Variants in CUX1 observed in about 807,000 individuals in gnomAD.
CUX1 encodes the protein cut like homeobox 1, also known as protein CASP.
Under a neutral mutation model 158.8 loss-of-function variants are expected in CUX1, and 31 were observed. The ratio of observed to expected loss-of-function variants is 0.20; its 90% confidence interval spans 0.15 to 0.26. CUX1 has a LOEUF of 0.26. Among genes scored for constraint, CUX1 ranks in the 10% least tolerant of loss-of-function variants. The pLI, the probability that CUX1 is intolerant of heterozygous loss-of-function variation, is 1.00. For synonymous variants in CUX1, 879 were observed against 862.1 expected (o/e 1.02, Z -0.34); for missense variants, 1,589 against 2,014.6 (o/e 0.79, Z 4.04).
At chr7:102,010,396 CAAA>C (rs35965710) in intron 2 of CUX1, among the ~76,000 whole-genome samples, 3 of 90,250 alleles carry the variant, frequency 3.3e-5, no homozygotes, top group Non-Finnish European at 4.4e-5. Context: ...GACTCTGTCT[CAAA>C]AAAAAAAAAA....
At chr7:102,087,580 C>CA (rs1263151948) in intron 4 of CUX1, among the ~76,000 whole-genome samples, 3 of 150,222 alleles carry the variant, frequency 2.0e-5, no homozygotes, top group South Asian at 4.2e-4. Flanking sequence ...AACTCCATCT[C>CA]AAAAAAAAAG....
chr7:102,085,405 G>A lies in CUX1; in HGVS notation c.269-11959G>A, dbSNP rs1827858765. On this transcript the variant is annotated intron_variant, in intron 4 of 23. Transcript: ENST00000292535. ...GTTCCCATAAAACCCACATGTCGTG[G>A]GAGGGACCAGTGGGAGGTAATTGAA... Among the ~76,000 whole-genome samples the A allele has an allele frequency of 3.3e-5, 5 of 152,262 alleles. No individual in the cohort carries two copies. The South Asian group carries it at 1.0e-3, about 32-fold the overall frequency.
intron 2 of CUX1, among the ~76,000 whole-genome samples, chr7:102,003,295 A>AACATACAC (rs1816924708): frequency 2.3e-5 from 3 of 131,908 alleles, no homozygotes; most frequent in Admixed American, 2.2e-4. Flanking sequence ...CCTGGTGCCG[A>AACATACAC]ACACACACAC....
chr7:101,827,124 G>T (rs73712558), intron 1 of CUX1, among the ~76,000 whole-genome samples: 1,884 of 152,054 alleles, frequency 0.012, 41 homozygotes, highest in African/African-American at 0.043. Flanking sequence ...CATAAGTGTT[G>T]GTTAAAATAC....
chr7:101,989,580 C>G (rs1222412096), intron 2 of CUX1, among the ~76,000 whole-genome samples: 1 of 152,182 alleles, frequency 6.6e-6, no homozygotes, highest in Non-Finnish European at 1.5e-5. Flanking sequence ...TTTAAGAGCT[C>G]GAAGACACCA....
chr7:102,144,778 T>C (rs1554501537), intron 8 of CUX1, among the ~76,000 whole-genome samples: 2 of 151,804 alleles, frequency 1.3e-5, no homozygotes, highest in East Asian at 1.9e-4. Context: ...TTCATAATGG[T>C]TTTATTTTCT....
intron 21 of CUX1, among the ~76,000 whole-genome samples, chr7:102,230,377 T>C (rs1256714668): frequency 1.3e-5 from 2 of 150,788 alleles, no homozygotes; most frequent in East Asian, 3.9e-4. Context: ...CCCTGCTGCT[T>C]GGGAGGCTGA....
At chr7:102,073,292 G>A (rs559657862) in intron 4 of CUX1, among the ~76,000 whole-genome samples, 10 of 143,524 alleles carry the variant, frequency 7.0e-5, no homozygotes, top group African/African-American at 2.5e-4. Flanking sequence ...TCCTGCCTCA[G>A]CCTCCCACAT....
At chr7:102,241,624 C>CT (rs1254164387) in intron 23 of CUX1, among the ~76,000 whole-genome samples, 2 of 152,186 alleles carry the variant, frequency 1.3e-5, no homozygotes. Context: ...AATTGGGAAA[C>CT]TAAAATATTA....
At chr7:101,872,560 A>G (rs1194792088) in intron 1 of CUX1, among the ~76,000 whole-genome samples, 2 of 150,624 alleles carry the variant, frequency 1.3e-5, no homozygotes, top group African/African-American at 4.9e-5. Flanking sequence ...TTAAATAGAT[A>G]TGACAAAATG....
chr7:101,821,362 A>G (rs565596621), intron 1 of CUX1, among the ~76,000 whole-genome samples: 79 of 148,714 alleles, frequency 5.3e-4, no homozygotes, highest in Non-Finnish European at 9.2e-4. Context: ...TTTTTGAGAC[A>G]GAGTCTCGCT....
intron 2 of CUX1, among the ~76,000 whole-genome samples, chr7:102,023,021 C>T (rs1819565322): frequency 6.6e-6 from 1 of 152,130 alleles, no homozygotes; most frequent in African/African-American, 2.4e-5. Context: ...TCGAGACCAG[C>T]CTGGCCAACA....
chr7:102,212,133 A>G (rs1363562503), intron 20 of CUX1, among the ~76,000 whole-genome samples: 2 of 152,112 alleles, frequency 1.3e-5, no homozygotes, highest in African/African-American at 4.8e-5. Context: ...TGGAACCAGC[A>G]CCCTGTGACA....
chr7:101,922,817 C>T (rs948498266), intron 2 of CUX1, among the ~76,000 whole-genome samples: 4 of 152,198 alleles, frequency 2.6e-5, no homozygotes, highest in Non-Finnish European at 5.9e-5. Context: ...ACAAGGGGCT[C>T]CACGGGCTGG....
intron 11 of CUX1, among the ~76,000 whole-genome samples, chr7:102,186,223 G>A (rs1366037699): frequency 6.6e-6 from 1 of 152,152 alleles, no homozygotes; most frequent in Non-Finnish European, 1.5e-5. Flanking sequence ...TTGAGATGTG[G>A]CACTCACAGC....
At chr7:101,926,877 C>T (rs1214499658) in intron 2 of CUX1, among the ~76,000 whole-genome samples, 11 of 146,094 alleles carry the variant, frequency 7.5e-5, no homozygotes, top group Admixed American at 7.3e-4. Context: ...TCCTTCCTTG[C>T]TTTCTTTTAC....
chr7:101,902,349 G>T (rs1802246337), intron 1 of CUX1, among the ~76,000 whole-genome samples: 1 of 152,158 alleles, frequency 6.6e-6, no homozygotes, highest in Admixed American at 6.5e-5. Flanking sequence ...GGGGGTCATT[G>T]GAGGCCAGCA....
chr7:101,873,956 G>A (rs748873142), intron 1 of CUX1, among the ~76,000 whole-genome samples: 8 of 152,202 alleles, frequency 5.3e-5, no homozygotes, highest in Admixed American at 6.5e-5. Context: ...ATTATCTACA[G>A]GAAAATGAAC....
At position 102,248,408 on chromosome 7, in the gene CUX1, G is replaced by C; in HGVS notation, c.3888-4G>C. 1 of 1,589,446 alleles carries C rather than the reference G, an allele frequency of 6.3e-7. No individual in the cohort carries two copies. The highest frequency in any genetic ancestry group is 1.7e-4 in the Middle Eastern group (1 of 6,024). ...TCACGTCCCCGCCGCTTGTTGTCTT[G>C]TAGGTCTCGGATCCGCAGAGAACTG... On this transcript the variant is annotated splice_region_variant and splice_polypyrimidine_tract_variant and intron_variant, in intron 23 of 23. Coordinates refer to ENST00000292535, the MANE Select transcript of CUX1 (RefSeq NM_181552.4). This position sits in a 1 kb window ranked among gnomAD's most constrained non-coding sequence, Gnocchi z 5.8.
Sources: allele counts gnomAD v4.1 joint callset (sites outside exome capture counted in the v4.1 genomes callset), GRCh38; gene constraint gnomAD v4.1.1; non-coding constraint Gnocchi (gnomAD v3.1); transcripts MANE v1.5; gene names NCBI Gene and HGNC (gene_info 2026-07-23, HGNC 2026-07-21).